Variants in SATB2 observed in about 807,000 individuals in gnomAD.
SATB2 encodes DNA-binding protein SATB2.
Under a neutral mutation model 73.4 loss-of-function variants are expected in SATB2, and 1 was observed. The observed-to-expected ratio is 0.01, with a 90% CI of 0.00 to 0.06. The LOEUF is 0.06. Ranked by LOEUF, SATB2 falls within the 10% of genes least tolerant of loss-of-function variation. The pLI, the probability that SATB2 is intolerant of heterozygous loss-of-function variation, is 1.00. For synonymous variants in SATB2, 397 were observed against 367.0 expected (o/e 1.08, Z -0.93); for missense variants, 459 against 945.8 (o/e 0.49, Z 6.75).
At chr2:199,381,490 C>A (rs1559017591) in intron 4 of SATB2, among the ~76,000 whole-genome samples, 2 of 152,164 alleles carry the variant, frequency 1.3e-5, no homozygotes, top group African/African-American at 4.8e-5. Context: ...GAAAACAAAG[C>A]ATAAAGTAGT....
At chr2:199,384,905 G>C (rs930997718) in intron 3 of SATB2, among the ~76,000 whole-genome samples, 1 of 152,134 alleles carries the variant, frequency 6.6e-6, no homozygotes, top group Non-Finnish European at 1.5e-5. Context: ...AGAAGATATA[G>C]TCAGTTTATT....
intron 7 of SATB2, among the ~76,000 whole-genome samples, chr2:199,339,984 C>T (rs1327033760): frequency 2.0e-5 from 3 of 152,136 alleles, no homozygotes; most frequent in African/African-American, 7.2e-5. Flanking sequence ...TCATTTTTAA[C>T]CTTAATAATT....
intron 2 of SATB2, among the ~76,000 whole-genome samples, chr2:199,441,412 T>C (rs1691812829): frequency 6.6e-6 from 1 of 152,200 alleles, no homozygotes; most frequent in South Asian, 2.1e-4. Context: ...TTATTTATTA[T>C]GAAATAATAT....
intron 6 of SATB2, among the ~76,000 whole-genome samples, chr2:199,361,193 T>A (rs946691216): frequency 6.6e-6 from 1 of 152,198 alleles, no homozygotes. Context: ...TCTACCTAGT[T>A]GTCAAAATTC....
chr2:199,365,821 GC>G (rs984937329), intron 6 of SATB2, among the ~76,000 whole-genome samples: 1 of 151,152 alleles, frequency 6.6e-6, no homozygotes, highest in Non-Finnish European at 1.5e-5. Context: ...TTTTATTTTT[GC>G]CAGGTTTTAG....
intron 5 of SATB2, among the ~76,000 whole-genome samples, chr2:199,374,472 GA>G (rs948214524): frequency 3.9e-5 from 6 of 152,152 alleles, no homozygotes; most frequent in Non-Finnish European, 8.8e-5. Context: ...AAAAGTTCTG[GA>G]AAGAGACAGG....
At chr2:199,301,591 CTTCAGGAGGA>C (rs1027907991) in intron 10 of SATB2, among the ~76,000 whole-genome samples, 1 of 152,020 alleles carries the variant, frequency 6.6e-6, no homozygotes, top group Non-Finnish European at 1.5e-5. Context: ...GAAAGTCAGC[CTTCAGGAGGA>C]TAAGGTTAAC....
At chr2:199,421,145 T>C (rs1379493203) in intron 3 of SATB2, among the ~76,000 whole-genome samples, 2 of 152,076 alleles carry the variant, frequency 1.3e-5, no homozygotes. Context: ...CCAATGACAC[T>C]ATTAGAAAAA....
chr2:199,428,007 C>T (rs1174128259), intron 3 of SATB2, among the ~76,000 whole-genome samples: 1 of 151,672 alleles, frequency 6.6e-6, no homozygotes, highest in Admixed American at 6.6e-5. Context: ...GTCATTGTTT[C>T]CAGTTCATAG....
intron 10 of SATB2, among the ~76,000 whole-genome samples, chr2:199,280,304 T>A (rs1574466381): frequency 6.6e-6 from 1 of 152,238 alleles, no homozygotes; most frequent in Non-Finnish European, 1.5e-5. Context: ...CTGAGGAGGA[T>A]GTATGTCGCC....
intron 7 of SATB2, among the ~76,000 whole-genome samples, chr2:199,333,115 T>A (rs1039732140): frequency 2.0e-5 from 3 of 151,928 alleles, no homozygotes; most frequent in African/African-American, 7.3e-5. Flanking sequence ...TTATCTCCCA[T>A]TGATTATCTA....
At chr2:199,377,720 G>A (rs1689646241) in intron 5 of SATB2, among the ~76,000 whole-genome samples, 1 of 152,056 alleles carries the variant, frequency 6.6e-6, no homozygotes, top group Non-Finnish European at 1.5e-5. Flanking sequence ...TTATAAACAA[G>A]GAACACAGGA....
intron 3 of SATB2, among the ~76,000 whole-genome samples, chr2:199,394,272 G>T (rs1318869999): frequency 6.6e-6 from 1 of 152,096 alleles, no homozygotes; most frequent in Admixed American, 6.6e-5. Context: ...ATTTGCTCAG[G>T]AAGAGTGATG....
intron 2 of SATB2, among the ~76,000 whole-genome samples, chr2:199,453,441 CTTA>C (rs756353292): frequency 2.0e-4 from 30 of 151,832 alleles, no homozygotes; most frequent in Non-Finnish European, 3.4e-4. Flanking sequence ...GTTATCTATG[CTTA>C]TTATATTGCT....
At chr2:199,316,594 G>A (rs1261509147) in intron 9 of SATB2, among the ~76,000 whole-genome samples, 1 of 152,042 alleles carries the variant, frequency 6.6e-6, no homozygotes, top group Non-Finnish European at 1.5e-5. Context: ...CTATGGATAT[G>A]TCTGTAAAGA....
At chr2:199,287,202 A>C (rs1692715439) in intron 10 of SATB2, among the ~76,000 whole-genome samples, 1 of 152,342 alleles carries the variant, frequency 6.6e-6, no homozygotes, top group South Asian at 2.1e-4. Flanking sequence ...CCAGTGACAC[A>C]TGATTTGTGA....
intron 3 of SATB2, among the ~76,000 whole-genome samples, chr2:199,405,304 T>G (rs1040175876): frequency 5.9e-5 from 9 of 152,132 alleles, no homozygotes; most frequent in Non-Finnish European, 1.2e-4. Flanking sequence ...TCAGACATAA[T>G]AGAAGCCAAT....
chr2:199,363,897 T>C (rs559377498), intron 6 of SATB2, among the ~76,000 whole-genome samples: 35 of 152,340 alleles, frequency 2.3e-4, no homozygotes, highest in African/African-American at 8.4e-4. Context: ...CAAACTTCCT[T>C]ACAGAACACT....
chr2:199,468,141 G>A (rs796780825), upstream of SATB2: 15 of 151,030 alleles, frequency 9.9e-5, no homozygotes, highest in African/African-American at 3.7e-4. Context: ...TCTCAGAGGA[G>A]TTGCTCTGAA....
Sources: gnomAD v4.1 joint callset for allele counts (sites outside exome capture counted in the v4.1 genomes callset) on GRCh38, gnomAD v4.1.1 for gene constraint, MANE v1.5 for transcripts, NCBI Gene and HGNC (gene_info 2026-07-23, HGNC 2026-07-21) for gene names.